The following CDH23 variants were observed in gnomAD, a reference collection of about 807,000 sequenced individuals.
CDH23 encodes cadherin-23.
A neutral mutation model predicts 317.1 loss-of-function variants in CDH23; 189 were observed. The ratio of observed to expected loss-of-function variants is 0.60; its 90% CI spans 0.53 to 0.67. CDH23 has a LOEUF of 0.67. Among genes scored for constraint, CDH23 ranks in the 30% least tolerant of loss-of-function variants. The probability of loss-of-function intolerance (pLI) is 0.00; values close to 1 mark genes in which losing one functional copy is unlikely to be tolerated. For missense variants in CDH23, 4,401 were observed against 4,592.4 expected, an observed-to-expected ratio of 0.96 and a Z score of 1.20; for synonymous variants, 1,839 against 1,876.8, an observed-to-expected ratio of 0.98 and a Z score of 0.52.
rs146021368 is a variant in CDH23, at chr10:71,647,080, T to A, written c.1449+463T>A. 3.1e-3 allele frequency: 3,032 copies of A among 985,408 alleles called. 14 individuals are homozygous for A. Among genetic ancestry groups the A allele is most frequent in the Middle Eastern group, 7.3e-3 (14 of 1,914 alleles). 61.0% of individuals were successfully genotyped at this position (985,408 alleles called of 1,614,324 possible). On this transcript the variant is annotated intron_variant, in intron 14 of 69. Transcript: ENST00000224721. ...TTGACAAGGGGCCCTCCCAGTGTCA[T>A]TTGTATCTGTCAGTACTCTTGGTTG...
chr10:71,627,890 G>A (rs1353768296), intron 11 of CDH23, among the ~76,000 whole-genome samples: 1 of 152,156 alleles, frequency 6.6e-6, no homozygotes, highest in Non-Finnish European at 1.5e-5. Context: ...AAGCAGAGCT[G>A]GCAAACTTTC....
At chr10:71,640,079 A>G (rs1449407103) in intron 11 of CDH23, among the ~76,000 whole-genome samples, 1 of 152,028 alleles carries the variant, frequency 6.6e-6, no homozygotes, top group Admixed American at 6.6e-5. Context: ...TTCATTTGAA[A>G]CCCCAAGAAT....
chr10:71,626,009 A>C (rs963451024), intron 11 of CDH23, among the ~76,000 whole-genome samples: 3 of 152,216 alleles, frequency 2.0e-5, no homozygotes, highest in African/African-American at 7.2e-5. Flanking sequence ...GAAATCTCAA[A>C]ATACCATTTA....
At chr10:71,530,879 A>G (rs1464222834) in intron 6 of CDH23, among the ~76,000 whole-genome samples, 2 of 152,226 alleles carry the variant, frequency 1.3e-5, no homozygotes, top group Non-Finnish European at 2.9e-5. Flanking sequence ...CCCATCATGT[A>G]GATAAAAAAG....
At chr10:71,629,470 GCC>G (rs1861903160) in intron 11 of CDH23, among the ~76,000 whole-genome samples, 1 of 152,214 alleles carries the variant, frequency 6.6e-6, no homozygotes, top group South Asian at 2.1e-4. Context: ...GGTCAGAGAG[GCC>G]CAGGGCTGTG....
Position 71,790,412 on chromosome 10 carries a change from C to T in CDH23, c.6048C>T (p.Thr2016=), listed in dbSNP as rs761730855. The T allele has an allele frequency of 2.4e-5, 39 of 1,612,382 alleles. No individual in the cohort carries two copies. Among genetic ancestry groups the T allele is most frequent in the Admixed American group, 1.2e-4 (7 of 59,948 alleles). Residue 2016 remains threonine (T), a splice_region_variant and synonymous_variant, in exon 46 of 70, where the codon ACC becomes ACT. Transcript: ENST00000224721. ...QSGLFDINSS[T]GVVTVRSGVI... ...GCCTCTTTGACATCAACAGCAGCAC[C>T]GGTGAGGCCTCTGTGCCACCCAGCA... is the stretch of plus-strand genomic sequence containing the variant.
intron 14 of CDH23, among the ~76,000 whole-genome samples, chr10:71,672,581 G>A (rs537104932): frequency 3.3e-5 from 5 of 152,292 alleles, no homozygotes; most frequent in East Asian, 3.9e-4. Flanking sequence ...ATCAGCATCC[G>A]CAGCCTGGGC....
intron 30 of CDH23, among the ~76,000 whole-genome samples, chr10:71,729,736 G>A (rs975359267): frequency 6.6e-6 from 1 of 152,108 alleles, no homozygotes; most frequent in African/African-American, 2.4e-5. Context: ...TATTTGATTG[G>A]GATCACTTTG....
At chr10:71,455,682 T>C (rs912035620) in intron 3 of CDH23, among the ~76,000 whole-genome samples, 6 of 152,072 alleles carry the variant, frequency 3.9e-5, no homozygotes, top group Non-Finnish European at 1.5e-5. Flanking sequence ...TTGTAACAGG[T>C]GCTAAGGAAG....
At chr10:71,790,784 G>T (rs1036627036) in intron 46 of CDH23, 4 of 465,466 alleles carry the variant, frequency 8.6e-6, no homozygotes, top group Non-Finnish European at 1.6e-5. Context: ...ACATCCGTCT[G>T]GTCCTGGACA....
At chr10:71,498,085 A>C (rs1853074096) in intron 3 of CDH23, among the ~76,000 whole-genome samples, 1 of 152,196 alleles carries the variant, frequency 6.6e-6, no homozygotes, top group Admixed American at 6.5e-5. Context: ...GGACCTCTGC[A>C]CTTTGGCCAT....
chr10:71,659,760 C>G (rs1417253489), intron 14 of CDH23, among the ~76,000 whole-genome samples: 1 of 152,158 alleles, frequency 6.6e-6, no homozygotes, highest in East Asian at 1.9e-4. Context: ...GATAGATGTT[C>G]AACCAAACTA....
Position 71,788,930 on chromosome 10 carries a change from C to T in CDH23, c.5821-10C>T, listed in dbSNP as rs371445005. Reference sequence around the variant, plus strand: ...ATGGCCTACAACGTGCCCCATTCTGCCCCTTGCAGGATTATGACTTGCTTC... The same window carrying T: ...ATGGCCTACAACGTGCCCCATTCTGTCCCTTGCAGGATTATGACTTGCTTC... On this transcript the variant is annotated splice_polypyrimidine_tract_variant and intron_variant, in intron 44 of 69. Coordinates refer to ENST00000224721, the MANE Select transcript of CDH23 (RefSeq NM_022124.6). The T allele has an allele frequency of 2.8e-6, 4 of 1,449,810 alleles. No individual in the cohort carries two copies. Among genetic ancestry groups the T allele is most frequent in the Non-Finnish European group, 3.9e-6 (4 of 1,030,238 alleles). 89.8% of individuals were successfully genotyped at this position (1,449,810 alleles called of 1,614,324 possible). A position where few individuals can be genotyped will look rare whatever the true frequency, so the allele number is the denominator to read the frequency against.
intron 30 of CDH23, among the ~76,000 whole-genome samples, chr10:71,726,657 T>C (rs1367596415): frequency 6.6e-6 from 1 of 152,264 alleles, no homozygotes; most frequent in Non-Finnish European, 1.5e-5. Context: ...ATAGCCATGC[T>C]GGCTTGCATG....
intron 11 of CDH23, among the ~76,000 whole-genome samples, chr10:71,635,537 C>T (rs574191474): frequency 2.0e-5 from 3 of 152,204 alleles, no homozygotes; most frequent in East Asian, 1.9e-4. Context: ...GGATTGATCC[C>T]GTCTGTGCAG....
intron 22 of CDH23, among the ~76,000 whole-genome samples, chr10:71,701,708 G>A (rs909419608): frequency 6.6e-6 from 1 of 152,086 alleles, no homozygotes; most frequent in South Asian, 2.1e-4. Context: ...ACAATCTAAT[G>A]CTTCAAAGGA....
At chr10:71,754,156 G>A (rs1840073955) in intron 38 of CDH23, among the ~76,000 whole-genome samples, 1 of 152,094 alleles carries the variant, frequency 6.6e-6, no homozygotes, top group Non-Finnish European at 1.5e-5. Flanking sequence ...CCCCTGCCCT[G>A]CTGCCCAGCG....
intron 9 of CDH23, among the ~76,000 whole-genome samples, chr10:71,615,045 T>TACTAG (rs1468552748): frequency 1.3e-5 from 2 of 152,122 alleles, no homozygotes; most frequent in African/African-American, 4.8e-5. Context: ...GAATAGAATA[T>TACTAG]ACTAGACTAG....
intron 16 of CDH23, among the ~76,000 whole-genome samples, chr10:71,678,758 G>A (rs752338989): frequency 3.3e-5 from 5 of 152,180 alleles, no homozygotes; most frequent in South Asian, 2.1e-4. Context: ...CAGTCAAGGG[G>A]TAGAGGGATC....
Sources: gnomAD v4.1 joint callset for allele counts (sites outside exome capture counted in the v4.1 genomes callset) on GRCh38, gnomAD v4.1.1 for gene constraint, MANE v1.5 for transcripts, NCBI Gene and HGNC (gene_info 2026-07-23, HGNC 2026-07-21) for gene names.